Variants in RNF175 observed in about 807,000 individuals in gnomAD.
RNF175 encodes ring finger protein 175.
A neutral mutation model predicts 50.0 loss-of-function variants in RNF175; 38 were observed. The observed-to-expected ratio is 0.76, with a 90% CI of 0.59 to 1.00. The LOEUF (loss-of-function observed/expected upper bound fraction) is 1.00, where lower values mean the gene tolerates loss of function less well. Ranked by LOEUF, RNF175 falls within the 50% of genes least tolerant of loss-of-function variation. The pLI, the probability that RNF175 is intolerant of heterozygous loss-of-function variation, is 0.00. For synonymous variants in RNF175, 155 were observed against 146.1 expected (o/e 1.06, Z -0.44); for missense variants, 388 against 409.6 (o/e 0.95, Z 0.46).
At chr4:153,734,662 A>ATT (rs1739239419) in intron 3 of RNF175, among the ~76,000 whole-genome samples, 6 of 33,082 alleles carry the variant, frequency 1.8e-4, no homozygotes, top group African/African-American at 7.8e-4. Context: ...TTGTTTTTTT[A>ATT]TTCTTTTTTT....
At chr4:153,751,405 C>A (rs72731680) in intron 2 of RNF175, 33 bp downstream of exon 2, 33 of 1,435,462 alleles carry the variant, frequency 2.3e-5, no homozygotes, top group Non-Finnish European at 3.0e-5. Context: ...TAATTTTTAG[C>A]AAAACAACTC....
intron 6 of RNF175, among the ~76,000 whole-genome samples, chr4:153,718,233 TG>T (rs55919644): frequency 0.32 from 21,821 of 67,374 alleles, 5,085 homozygotes; most frequent in South Asian, 0.57. Flanking sequence ...TTTGTTTGTT[TG>T]TTTGTTTTTT....
At chr4:153,720,129 G>A (rs914164699) in intron 6 of RNF175, 55 bp downstream of exon 6, 8 of 1,579,822 alleles carry the variant, frequency 5.1e-6, no homozygotes, top group African/African-American at 1.3e-5. Context: ...CATGTAAGAT[G>A]AGACCATTTC....
intron 3 of RNF175, among the ~76,000 whole-genome samples, chr4:153,741,087 G>A (rs1002287359): frequency 2.0e-5 from 3 of 152,216 alleles, no homozygotes; most frequent in Non-Finnish European, 4.4e-5. Flanking sequence ...TAAGGATAGT[G>A]GGAGCATTCT....
At position 153,728,375 on chromosome 4, in the gene RNF175, G is replaced by T; in HGVS notation, c.247-14C>A. ...CAAGGTCACCAGCTGTCAGAGAAAT[G>T]AACAGGAAGTATCTTTCAATGACCA... On this transcript the variant is annotated splice_polypyrimidine_tract_variant and intron_variant, in intron 3 of 8. Transcript: ENST00000347063. The T allele has an allele frequency of 1.2e-6, 2 of 1,611,902 alleles. No homozygotes were observed. The highest frequency in any genetic ancestry group is 1.1e-5 in the South Asian group (1 of 90,954).
chr4:153,718,016 C>T (rs377566792), intron 6 of RNF175, among the ~76,000 whole-genome samples: 8 of 152,060 alleles, frequency 5.3e-5, no homozygotes, highest in African/African-American at 9.7e-5. Flanking sequence ...TATTCAACCA[C>T]GCTCCTTCCC....
chr4:153,743,455 T>C (rs1186744645), intron 3 of RNF175, among the ~76,000 whole-genome samples: 5 of 152,114 alleles, frequency 3.3e-5, no homozygotes, highest in Non-Finnish European at 7.4e-5. Flanking sequence ...TGCAAAGAAG[T>C]AGAATATATT....
At chr4:153,751,533 G>T (rs1476218310) in intron 1 of RNF175, 58 bp from the exon 2 acceptor site, 2 of 1,271,368 alleles carry the variant, frequency 1.6e-6, no homozygotes, top group Admixed American at 2.3e-5. Flanking sequence ...TGGTTTTTCT[G>T]TGAAAGCAAT....
At chr4:153,734,957 T>G (rs960754110) in intron 3 of RNF175, among the ~76,000 whole-genome samples, 1 of 152,164 alleles carries the variant, frequency 6.6e-6, no homozygotes, top group Non-Finnish European at 1.5e-5. Flanking sequence ...ATTACAGGCT[T>G]GAGCCACCAT....
chr4:153,751,502 CA>C, intron 1 of RNF175, 27 bp from the exon 2 acceptor site: 1 of 1,528,786 alleles, frequency 6.5e-7, no homozygotes, highest in South Asian at 1.3e-5. Context: ...GGGCCCTTAT[CA>C]AAAAATGTCC....
At chr4:153,711,458 C>T (rs1056838594) in intron 8 of RNF175, among the ~76,000 whole-genome samples, 1 of 152,192 alleles carries the variant, frequency 6.6e-6, no homozygotes. Flanking sequence ...CCTTGAATCC[C>T]TCCCTGATCT....
chr4:153,731,728 AAAAT>A (rs1221709600), intron 3 of RNF175, among the ~76,000 whole-genome samples: 1 of 152,066 alleles, frequency 6.6e-6, no homozygotes, highest in Admixed American at 6.6e-5. Flanking sequence ...AAAAAAGAAA[AAAAT>A]AAATAAATTA....
intron 3 of RNF175, among the ~76,000 whole-genome samples, chr4:153,735,343 T>C (rs1364397746): frequency 1.3e-5 from 2 of 152,166 alleles, no homozygotes; most frequent in Admixed American, 6.5e-5. Context: ...CTGTATTTGT[T>C]TGGGGGTCTA....
At chr4:153,727,592 A>G (rs1276393243) in intron 4 of RNF175, 3 of 152,198 alleles carry the variant, frequency 2.0e-5, no homozygotes, top group Admixed American at 6.5e-5. Context: ...TTCCAGTTTT[A>G]TCATGATGAG....
rs200737321 is a variant in RNF175 at position 153,717,534 on chromosome 4, A to C, written c.631-1872T>G. Among the ~76,000 whole-genome samples, 138 of 149,786 alleles carry C rather than the reference A, an allele frequency of 9.2e-4. No homozygotes were observed. In the South Asian group the frequency reaches 0.02, roughly 22 times the overall value. ...ACACACACACACAGATACACACACA[A>C]ACACACACACACACACACACATACA... On this transcript the variant is annotated intron_variant, in intron 6 of 8. Transcript: ENST00000347063.
chr4:153,742,286 A>AAG (rs1190748529), intron 3 of RNF175, among the ~76,000 whole-genome samples: 3 of 151,694 alleles, frequency 2.0e-5, no homozygotes, highest in African/African-American at 4.8e-5. Context: ...AAAAAAAAAA[A>AAG]AAAAAAATTC....
intron 3 of RNF175, among the ~76,000 whole-genome samples, chr4:153,732,010 T>C (rs1167789254): frequency 6.6e-6 from 1 of 152,116 alleles, no homozygotes; most frequent in Non-Finnish European, 1.5e-5. Flanking sequence ...GATGGGTGGA[T>C]CCCTTGAGGC....
Position 153,748,741 on chromosome 4 carries a change from G to C in RNF175, c.150C>G (p.Ser50=). The C allele has an allele frequency of 6.2e-7, 1 of 1,611,922 alleles. No individual in the cohort carries two copies. The highest frequency in any genetic ancestry group is 8.5e-7 in the Non-Finnish European group (1 of 1,179,074). The change falls in exon 3 of 9, where the codon TCC becomes TCG. Residue 50 remains serine, a synonymous_variant. Coordinates refer to ENST00000347063, the MANE Select transcript of RNF175 (RefSeq NM_173662.4). ...AGATCAAGATCATTTCCACGTGCAT[G>C]GAATCGTGGCCCCGGTGCATCTTGT... The part of the protein sequence containing the change: ...RMYKMHRGHD[S]MHVEMILIFL...
At chr4:153,729,916 T>C (rs1263276283) in intron 3 of RNF175, 2 of 330,708 alleles carry the variant, frequency 6.0e-6, no homozygotes, top group Admixed American at 6.5e-5. Context: ...TGCCTCCATT[T>C]ATCAGATAAC....
Sources: gnomAD v4.1 joint callset for allele counts (sites outside exome capture counted in the v4.1 genomes callset) on GRCh38, gnomAD v4.1.1 for gene constraint, MANE v1.5 for transcripts, NCBI Gene and HGNC (gene_info 2026-07-23, HGNC 2026-07-21) for gene names.